Variants in AFF1 observed in about 807,000 individuals in gnomAD.
AFF1 encodes AF4/FMR2 family member 1.
A neutral mutation model predicts 121.7 loss-of-function variants in AFF1; 48 were observed. That is an observed-to-expected ratio of 0.39 (90% confidence interval 0.31 to 0.50). The LOEUF is 0.50. AFF1 is among the 20% of genes least tolerant of loss of function. AFF1 has a pLI of 0.76. For missense variants in AFF1, 1,523 were observed against 1,511.7 expected (o/e 1.01, Z -0.12); for synonymous variants, 613 against 563.0 (o/e 1.09, Z -1.26).
rs1729395694 is a variant in AFF1 at position 87,137,513 on chromosome 4, C to T, written c.*1812C>T. 4.3e-6 allele frequency: 1 copy of T among 230,962 alleles called. No individual in the cohort carries two copies. Among genetic ancestry groups the T allele is most frequent in the African/African-American group, 2.2e-5 (1 of 45,222 alleles). 14.3% of individuals were successfully genotyped at this position (230,962 alleles called of 1,614,324 possible). A position where few individuals can be genotyped will look rare whatever the true frequency, so the allele number is the denominator to read the frequency against. Reference sequence around the variant, plus strand: ...TCACTAAGTCAGAGGTCTGGTCCCTCATGTTTAGGTGAAAGCCAGAGAATG... The same window carrying T: ...TCACTAAGTCAGAGGTCTGGTCCCTTATGTTTAGGTGAAAGCCAGAGAATG... On this transcript the variant is annotated 3_prime_UTR_variant, in exon 21 of 21. Transcript: ENST00000395146.
chr4:86,985,209 A>ATATATAT (rs1724138560), intron 2 of AFF1, among the ~76,000 whole-genome samples: 2 of 135,130 alleles, frequency 1.5e-5, no homozygotes, highest in Admixed American at 1.5e-4. Context: ...ATATATATAT[A>ATATATAT]TATATAAAAT....
At chr4:87,106,797 T>C (rs1003000614) in intron 10 of AFF1, among the ~76,000 whole-genome samples, 1 of 152,232 alleles carries the variant, frequency 6.6e-6, no homozygotes, top group Non-Finnish European at 1.5e-5. Context: ...AGAGACGACA[T>C]TAGCAATAAA....
At chr4:87,129,420 T>C (rs1395114241) in intron 16 of AFF1, among the ~76,000 whole-genome samples, 1 of 152,246 alleles carries the variant, frequency 6.6e-6, no homozygotes, top group East Asian at 1.9e-4. Context: ...CCTTATGATA[T>C]ACTTATCTAA....
At chr4:86,955,339 G>A (rs934518153) in intron 2 of AFF1, among the ~76,000 whole-genome samples, 1 of 152,208 alleles carries the variant, frequency 6.6e-6, no homozygotes, top group African/African-American at 2.4e-5. Flanking sequence ...TGAATAAATT[G>A]TTCAAACGCC....
intron 2 of AFF1, among the ~76,000 whole-genome samples, chr4:87,014,866 ATTAG>A (rs1004129992): frequency 7.2e-5 from 11 of 152,202 alleles, no homozygotes; most frequent in African/African-American, 1.9e-4. Context: ...TATAAAATTA[ATTAG>A]TTCTCATTGT....
intron 8 of AFF1, among the ~76,000 whole-genome samples, chr4:87,102,700 A>G (rs1389517689): frequency 6.6e-6 from 1 of 152,104 alleles, no homozygotes; most frequent in Non-Finnish European, 1.5e-5. Context: ...AAATGATTTG[A>G]TCCTAATTAA....
chr4:86,948,829 A>G (rs1721055818), intron 2 of AFF1, among the ~76,000 whole-genome samples: 1 of 152,226 alleles, frequency 6.6e-6, no homozygotes, highest in South Asian at 2.1e-4. Flanking sequence ...TGATTAAATC[A>G]GCATTCTAAT....
Position 87,115,309 on chromosome 4 carries a change from G to A in AFF1, c.2466+10G>A, listed in dbSNP as rs370121165. ...GGCCAAAAAGAGAAAGGTGAGTGTGGGGAGACTGCCCTGACTCCAGCGTGG... is the reference window on the plus strand; with the variant it reads ...GGCCAAAAAGAGAAAGGTGAGTGTGAGGAGACTGCCCTGACTCCAGCGTGG... On this transcript the variant is annotated intron_variant, in intron 12 of 20. Transcript: ENST00000395146. The A allele has an allele frequency of 1.3e-6, 2 of 1,571,722 alleles. No homozygotes were observed. Among genetic ancestry groups the A allele is most frequent in the Non-Finnish European group, 1.7e-6 (2 of 1,159,244 alleles).
At chr4:87,105,987 T>G in intron 10 of AFF1, 142 bp downstream of exon 10, 1 of 1,090,094 alleles carries the variant, frequency 9.2e-7, no homozygotes, top group Non-Finnish European at 1.3e-6. Context: ...AGTACCTGTT[T>G]AATATTTTGG....
At chr4:87,055,027 G>A (rs1168616505) in intron 4 of AFF1, among the ~76,000 whole-genome samples, 1 of 152,140 alleles carries the variant, frequency 6.6e-6, no homozygotes, top group African/African-American at 2.4e-5. Context: ...ACCCGGGCTG[G>A]AATGCAGTAG....
At chr4:86,999,997 T>C (rs1217662691) in intron 2 of AFF1, among the ~76,000 whole-genome samples, 1 of 152,142 alleles carries the variant, frequency 6.6e-6, no homozygotes, top group African/African-American at 2.4e-5. Flanking sequence ...GGATGGGGCA[T>C]GTCAAAGGGG....
intron 4 of AFF1, among the ~76,000 whole-genome samples, chr4:87,057,330 AAAC>A (rs1350011077): frequency 6.6e-6 from 1 of 152,216 alleles, no homozygotes; most frequent in Non-Finnish European, 1.5e-5. Flanking sequence ...ATTTAGATAA[AAAC>A]AAGAATCATT....
intron 12 of AFF1, among the ~76,000 whole-genome samples, chr4:87,116,838 G>GTT (rs1024285338): frequency 6.6e-6 from 1 of 152,256 alleles, no homozygotes; most frequent in Admixed American, 6.5e-5. Context: ...TGGGGTGTGT[G>GTT]TGTGTGTGTA....
intron 4 of AFF1, among the ~76,000 whole-genome samples, chr4:87,083,844 C>T (rs1316102365): frequency 6.6e-6 from 1 of 152,072 alleles, no homozygotes; most frequent in African/African-American, 2.4e-5. Flanking sequence ...CTCACTGCAG[C>T]CTCCACCTCC....
intron 2 of AFF1, among the ~76,000 whole-genome samples, chr4:87,012,628 A>C (rs950247616): frequency 4.6e-5 from 7 of 152,212 alleles, no homozygotes; most frequent in African/African-American, 1.7e-4. Flanking sequence ...TTATGAATAT[A>C]AAGTGTTCAT....
intron 8 of AFF1, among the ~76,000 whole-genome samples, chr4:87,095,588 G>A (rs985713922): frequency 1.3e-5 from 2 of 152,196 alleles, no homozygotes; most frequent in African/African-American, 4.8e-5. Context: ...TTAGCTGTTA[G>A]AAACAAGTTT....
intron 4 of AFF1, chr4:87,047,877 T>G: frequency 2.1e-6 from 1 of 465,234 alleles, no homozygotes; most frequent in South Asian, 2.1e-5. Context: ...GAGTACAGTT[T>G]GTGTTTCAAA....
intron 2 of AFF1, among the ~76,000 whole-genome samples, chr4:87,011,263 C>G (rs1352573088): frequency 1.3e-5 from 2 of 152,046 alleles, no homozygotes; most frequent in Non-Finnish European, 2.9e-5. Context: ...AGACAAACTG[C>G]AGTAGGAAAG....
At chr4:87,125,990 C>A in intron 13 of AFF1, 109 bp from the exon 14 acceptor site, 1 of 1,136,638 alleles carries the variant, frequency 8.8e-7, no homozygotes, top group Non-Finnish European at 1.3e-6. Context: ...CAGTTTCATG[C>A]TTTGTGATAC....
Sources: gnomAD v4.1 joint callset for allele counts (sites outside exome capture counted in the v4.1 genomes callset) on GRCh38, gnomAD v4.1.1 for gene constraint, MANE v1.5 for transcripts, NCBI Gene and HGNC (gene_info 2026-07-23, HGNC 2026-07-21) for gene names.